SPOPL: variants seen among roughly 807,000 people sequenced by gnomAD.
SPOPL encodes speckle-type POZ protein-like.
SPOPL carries 23 observed loss-of-function variants against 53.8 expected under a neutral mutation model. That is an observed-to-expected ratio of 0.43 (90% CI 0.31 to 0.61). SPOPL has a LOEUF of 0.61. SPOPL is among the 20% of genes least tolerant of loss of function. The probability of loss-of-function intolerance (pLI) is 0.12; values close to 1 mark genes in which losing one functional copy is unlikely to be tolerated. For synonymous variants in SPOPL, 164 were observed against 149.7 expected (o/e 1.10, Z -0.70); for missense variants, 442 against 466.9 (o/e 0.95, Z 0.49).
intron 4 of SPOPL, 60 bp downstream of exon 4, chr2:138,551,114 C>T: frequency 6.4e-7 from 1 of 1,571,818 alleles, no homozygotes; most frequent in East Asian, 2.3e-5. Flanking sequence ...ATGACTTCTT[C>T]TGCACCTTTA....
chr2:138,542,643 T>A (rs748204208), intron 1 of SPOPL, among the ~76,000 whole-genome samples: 2 of 152,210 alleles, frequency 1.3e-5, no homozygotes, highest in Non-Finnish European at 2.9e-5. Context: ...GCCTGTGAGA[T>A]GGGTTTCCTG....
intron 7 of SPOPL, 46 bp from the exon 8 acceptor site, chr2:138,560,759 G>A: frequency 2.0e-6 from 3 of 1,522,796 alleles, no homozygotes; most frequent in Non-Finnish European, 2.6e-6. Context: ...TCATTTGTGT[G>A]TACTTTTTTT....
chr2:138,519,539 A>T (rs1684512681), intron 1 of SPOPL, among the ~76,000 whole-genome samples: 1 of 152,194 alleles, frequency 6.6e-6, no homozygotes, highest in Non-Finnish European at 1.5e-5. Flanking sequence ...GGATCAAATG[A>T]AATATTGTAT....
intron 8 of SPOPL, 183 bp from the exon 9 acceptor site, chr2:138,564,525 C>A: frequency 1.6e-6 from 1 of 630,644 alleles, no homozygotes; most frequent in Non-Finnish European, 2.4e-6. Flanking sequence ...GAAAATTAGT[C>A]TTTCTTCTAA....
intron 1 of SPOPL, among the ~76,000 whole-genome samples, chr2:138,516,716 C>T (rs1369906677): frequency 6.6e-6 from 1 of 152,190 alleles, no homozygotes; most frequent in South Asian, 2.1e-4. Context: ...TAGCATTTGA[C>T]TCACACAGTT....
At chr2:138,558,671 A>C (rs890048989) in intron 5 of SPOPL, among the ~76,000 whole-genome samples, 1 of 152,134 alleles carries the variant, frequency 6.6e-6, no homozygotes. Context: ...GAAAATAAAA[A>C]AAATTTTTTT....
At chr2:138,544,562 C>T (rs566327559) in intron 1 of SPOPL, among the ~76,000 whole-genome samples, 19 of 152,258 alleles carry the variant, frequency 1.2e-4, no homozygotes, top group Non-Finnish European at 2.2e-4. Flanking sequence ...CCTGGTGTGC[C>T]GTTTGCTAAG....
chr2:138,532,233 A>G (rs1023532853), intron 1 of SPOPL, among the ~76,000 whole-genome samples: 5 of 152,060 alleles, frequency 3.3e-5, no homozygotes, highest in Non-Finnish European at 7.4e-5. Context: ...CCCCTTGGAT[A>G]TCCTGTTTTA....
chr2:138,572,178 A>G lies in SPOPL; in HGVS notation c.*3098A>G, dbSNP rs1477295110. ...TAAATATGCTTTACTTTGGAGGACA[A>G]TTGATTAACAGAGGAAATGATAATT... is the stretch of plus-strand genomic sequence containing the variant. On this transcript the variant is annotated 3_prime_UTR_variant, in exon 11 of 11. Coordinates refer to ENST00000280098, the MANE Select transcript of SPOPL (RefSeq NM_001001664.3). 6.6e-6 allele frequency: 1 copy of G among 152,554 alleles called. No individual in the cohort carries two copies. Among genetic ancestry groups the G allele is most frequent in the Admixed American group, 6.6e-5 (1 of 15,252 alleles). 9.5% of individuals were successfully genotyped at this position (152,554 alleles called of 1,614,324 possible). A position where few individuals can be genotyped will look rare whatever the true frequency, so the allele number is the denominator to read the frequency against.
chr2:138,555,512 G>A (rs565026796), intron 5 of SPOPL, among the ~76,000 whole-genome samples: 6 of 151,906 alleles, frequency 3.9e-5, no homozygotes, highest in Admixed American at 2.6e-4. Flanking sequence ...TCTAAAACTC[G>A]CTATTCTGGA....
rs1285671791 is a variant in SPOPL at position 138,572,851 on chromosome 2, T to TCA, written c.*3776_*3777dup. On this transcript the variant is annotated 3_prime_UTR_variant, in exon 11 of 11. Transcript: ENST00000280098. Reference sequence around the variant, plus strand: ...GACTAACTCCTTACTAGGAATGAAATCACACAGTGTCTTCTGTTTGCAGTA... The same window carrying TCA: ...GACTAACTCCTTACTAGGAATGAAATCACACACAGTGTCTTCTGTTTGCAGTA... 1 of 152,540 alleles carries TCA rather than the reference T, an allele frequency of 6.6e-6. No homozygotes were observed. Among genetic ancestry groups the TCA allele is most frequent in the African/African-American group, 2.4e-5 (1 of 41,442 alleles). The allele number at this position is 152,540 out of a possible 1,614,324, so 9.4% of individuals were successfully genotyped here.
intron 3 of SPOPL, 80 bp from the exon 4 acceptor site, chr2:138,550,823 C>T (rs934365039): frequency 1.6e-5 from 22 of 1,356,444 alleles, no homozygotes; most frequent in Non-Finnish European, 1.9e-5. Flanking sequence ...TTCTCTCTCT[C>T]TCTTTCTCTC....
chr2:138,505,567 G>A (rs1486354398), intron 1 of SPOPL, among the ~76,000 whole-genome samples: 2 of 138,558 alleles, frequency 1.4e-5, no homozygotes, highest in Admixed American at 7.7e-5. Flanking sequence ...GACCAGCCCG[G>A]CCAACATGGT....
chr2:138,560,450 G>T (rs1685519378), intron 7 of SPOPL, among the ~76,000 whole-genome samples: 1 of 143,682 alleles, frequency 7.0e-6, no homozygotes, highest in South Asian at 2.2e-4. Flanking sequence ...TTGTTTACTT[G>T]TTTTTTTTTT....
chr2:138,550,206 A>C lies in SPOPL; in HGVS notation c.-11A>C. On this transcript the variant is annotated 5_prime_UTR_variant, in exon 2 of 11. Transcript: ENST00000280098. ...ACTACATAAATCCTGAAAGACTACA[A>C]TAAAGTGGTGATGTCTCGGGAACCC... 1 of 1,612,990 alleles carries C rather than the reference A, an allele frequency of 6.2e-7. No homozygotes were observed. Among genetic ancestry groups the C allele is most frequent in the Non-Finnish European group, 8.5e-7 (1 of 1,179,284 alleles).
chr2:138,547,361 A>T (rs1462030090), intron 1 of SPOPL, among the ~76,000 whole-genome samples: 1 of 152,224 alleles, frequency 6.6e-6, no homozygotes, highest in African/African-American at 2.4e-5. Context: ...GGAAGATAAT[A>T]ACTCTTCTAG....
At position 138,570,257 on chromosome 2, in the gene SPOPL, A is replaced by G. The variant is rs1271117200; in HGVS notation, c.*1177A>G. Reference sequence around the variant, plus strand: ...TACAAAAGGAGAGAACCCTTAGACTATGTCAGGTCACACTAGGAACCTCCC... The same window carrying G: ...TACAAAAGGAGAGAACCCTTAGACTGTGTCAGGTCACACTAGGAACCTCCC... On this transcript the variant is annotated 3_prime_UTR_variant, in exon 11 of 11. Transcript: ENST00000280098. 2.0e-5 allele frequency: 3 copies of G among 152,112 alleles called. No individual in the cohort carries two copies. Among genetic ancestry groups the G allele is most frequent in the Non-Finnish European group, 4.4e-5 (3 of 68,012 alleles). The allele number at this position is 152,112 out of a possible 1,614,324, so 9.4% of individuals were successfully genotyped here.
intron 1 of SPOPL, among the ~76,000 whole-genome samples, chr2:138,536,469 A>T (rs575092422): frequency 6.6e-6 from 1 of 152,158 alleles, no homozygotes; most frequent in South Asian, 2.1e-4. Context: ...TTGCCTGACT[A>T]CTCACATCTG....
chr2:138,547,569 G>A lies in SPOPL; in HGVS notation c.-60-2588G>A, dbSNP rs148120852. On this transcript the variant is annotated intron_variant, in intron 1 of 10. Transcript: ENST00000280098. Reference sequence around the variant, plus strand: ...CAGTAACATAGACACAAGATCTTACGTATTTTCTGTAGTCCATATGAGTTT... The same window carrying A: ...CAGTAACATAGACACAAGATCTTACATATTTTCTGTAGTCCATATGAGTTT... 6.9e-3 allele frequency among the ~76,000 whole-genome samples: 1,041 copies of A among 151,910 alleles called. 13 individuals carry two copies. The highest frequency in any genetic ancestry group is 0.024 in the African/African-American group (988 of 41,448).
Sources: allele counts gnomAD v4.1 joint callset (sites outside exome capture counted in the v4.1 genomes callset), GRCh38; gene constraint gnomAD v4.1.1; transcripts MANE v1.5; gene names NCBI Gene and HGNC (gene_info 2026-07-23, HGNC 2026-07-21).